Variants in BCAT2 observed in about 807,000 individuals in gnomAD.
BCAT2 encodes branched chain amino acid transaminase 2.
Under a neutral mutation model 52.9 loss-of-function variants are expected in BCAT2, and 44 were observed. The ratio of observed to expected loss-of-function variants is 0.83; its 90% CI spans 0.65 to 1.07. BCAT2 has a LOEUF of 1.07. Ranked by LOEUF, BCAT2 falls within the 50% of genes least tolerant of loss-of-function variation. BCAT2 has a pLI of 0.00. For missense variants in BCAT2, 478 were observed against 521.8 expected, an observed-to-expected ratio of 0.92 and a Z score of 0.82; for synonymous variants, 215 against 217.1, an observed-to-expected ratio of 0.99 and a Z score of 0.08.
chr19:48,795,163 A>G lies in BCAT2; in HGVS notation c.*263T>C. 1 of 550,392 alleles carries G rather than the reference A, an allele frequency of 1.8e-6. No individual in the cohort carries two copies. Among genetic ancestry groups the G allele is most frequent in the Non-Finnish European group, 3.3e-6 (1 of 306,896 alleles). The allele number at this position is 550,392 out of a possible 1,614,324, so 34.1% of individuals were successfully genotyped here. On this transcript the variant is annotated 3_prime_UTR_variant, in exon 11 of 11. Coordinates refer to ENST00000316273, the MANE Select transcript of BCAT2 (RefSeq NM_001190.4). ...TGGCCTGAGAACGGAGAGATCCGGA[A>G]TCGGGGCCAAGGTGTATCCTTGACC... is the stretch of plus-strand genomic sequence containing the variant.
At chr19:48,804,387 T>C (rs1305748317) in intron 3 of BCAT2, among the ~76,000 whole-genome samples, 2 of 150,294 alleles carry the variant, frequency 1.3e-5, no homozygotes, top group Non-Finnish European at 3.0e-5. Flanking sequence ...TTACTAAAAA[T>C]ACAAAAATTA....
intron 1 of BCAT2, among the ~76,000 whole-genome samples, chr19:48,810,581 C>A (rs2034896874): frequency 6.6e-6 from 1 of 152,064 alleles, no homozygotes; most frequent in Non-Finnish European, 1.5e-5. Flanking sequence ...AGGTCCAACT[C>A]TGCCTTCACC....
intron 3 of BCAT2, among the ~76,000 whole-genome samples, chr19:48,803,211 A>C (rs1033400974): frequency 2.0e-5 from 3 of 150,498 alleles, no homozygotes; most frequent in Admixed American, 6.6e-5. Context: ...AAAACAAAAC[A>C]AAACCCAGGT....
In BCAT2 at chr19:48,795,349, T is replaced by G. The variant is rs1236704936; in HGVS notation, c.*77A>C. The G allele has an allele frequency of 6.3e-7, 1 of 1,585,372 alleles. No homozygotes were observed. The highest frequency in any genetic ancestry group is 2.2e-5 in the East Asian group (1 of 44,496). On this transcript the variant is annotated 3_prime_UTR_variant, in exon 11 of 11. Transcript: ENST00000316273. ...CTTTTATTTCGTATTGCACTTCAGG[T>G]GAGTCATTGGTAGGGAGGCGAGTGC...
chr19:48,808,703 C>T (rs886610919), intron 1 of BCAT2, among the ~76,000 whole-genome samples: 6 of 151,796 alleles, frequency 4.0e-5, no homozygotes, highest in Admixed American at 3.9e-4. Context: ...TGCAGTGAGC[C>T]GAGATGGTGC....
intron 3 of BCAT2, among the ~76,000 whole-genome samples, chr19:48,803,149 C>T (rs1291793436): frequency 6.6e-6 from 1 of 151,734 alleles, no homozygotes; most frequent in East Asian, 1.9e-4. Context: ...GAGCTGAGAC[C>T]ATGCCACTGC....
In BCAT2 at chr19:48,799,491, C is replaced by G; in HGVS notation, c.695+184G>C. On this transcript the variant is annotated intron_variant, in intron 6 of 10. Coordinates refer to ENST00000316273, the MANE Select transcript of BCAT2 (RefSeq NM_001190.4). This position sits in a 1 kb window ranked among gnomAD's most constrained non-coding sequence, Gnocchi z 5.5. ...TTTTGTCCATCTGAAAAATAATCCC[C>G]TCCTCCTTCCTTCCATGGTTTGTTT... is the stretch of plus-strand genomic sequence containing the variant. 1 of 750,144 alleles carries G rather than the reference C, an allele frequency of 1.3e-6. No homozygotes were observed. Among genetic ancestry groups the G allele is most frequent in the Non-Finnish European group, 2.0e-6 (1 of 508,534 alleles). The allele number at this position is 750,144 out of a possible 1,614,324, so 46.5% of individuals were successfully genotyped here. A position where few individuals can be genotyped will look rare whatever the true frequency, so the allele number is the denominator to read the frequency against.
In BCAT2 at chr19:48,800,026, G is replaced by A. The variant is rs149715085; in HGVS notation, c.486C>T (p.Ala162=). 2.5e-4 allele frequency: 402 copies of A among 1,613,626 alleles called. 3 individuals are homozygous for A. The African/African-American group carries it at 3.3e-3, about 13-fold the overall frequency. ...IEVDKDWVPD[A]AGTSLYVRPV... ...GCCGCACATAGAGGCTGGTGCCGGC[G>A]GCATCGGGGACCCAGTCCTTGTCCA... Residue 162 remains alanine, a synonymous_variant, in exon 5 of 11, where the codon GCC becomes GCT. Coordinates refer to ENST00000316273, the MANE Select transcript of BCAT2 (RefSeq NM_001190.4).
chr19:48,806,994 T>C lies in BCAT2; in HGVS notation c.99+6A>G, dbSNP rs77119210. On this transcript the variant is annotated splice_donor_region_variant and intron_variant, in intron 2 of 10. Coordinates refer to ENST00000316273, the MANE Select transcript of BCAT2 (RefSeq NM_001190.4). ...CAGAGCCAAGCATCGAGTTCCCTCC[T>C]TTCACCTTGAAACTGGAGGAGGCAT... The C allele has an allele frequency of 3.9e-3, 6,294 of 1,613,090 alleles. 16 individuals carry two copies. The highest frequency in any genetic ancestry group is 4.9e-3 in the Non-Finnish European group (5,786 of 1,179,342).
rs1449840371 is a variant in BCAT2 at position 48,795,226 on chromosome 19, C to T, written c.*200G>A. 6.2e-6 allele frequency: 4 copies of T among 650,342 alleles called. No homozygotes were observed. In the African/African-American group the frequency reaches 7.2e-5, roughly 12 times the overall value. The allele number at this position is 650,342 out of a possible 1,614,324, so 40.3% of individuals were successfully genotyped here. A position where few individuals can be genotyped will look rare whatever the true frequency, so the allele number is the denominator to read the frequency against. On this transcript the variant is annotated 3_prime_UTR_variant, in exon 11 of 11. Transcript: ENST00000316273. The stretch of plus-strand genomic sequence containing the variant: ...GTAATGGGCGGACCTGAACCCGCGA[C>T]GAGGGGCTGGGGGCCAAGATGCCTG...
intron 3 of BCAT2, 101 bp downstream of exon 3, chr19:48,806,416 A>G: frequency 1.4e-6 from 2 of 1,443,382 alleles, no homozygotes; most frequent in Non-Finnish European, 1.9e-6. Flanking sequence ...GAAAGGAGAA[A>G]CACACAACAA....
chr19:48,796,695 G>A lies in BCAT2; in HGVS notation c.948C>T (p.Arg316=). Reference sequence around the variant, plus strand: ...GCAGCAACTGCTTCATGGTGATCGTGCGCTCCACCACCCGGAACTCACCCT... The same window carrying A: ...GCAGCAACTGCTTCATGGTGATCGTACGCTCCACCACCCGGAACTCACCCT... The part of the protein sequence containing the change: ...QTWGEFRVVE[R]TITMKQLLRA... Residue 316 remains arginine, a synonymous_variant, in exon 9 of 11, where the codon CGC becomes CGT. Transcript: ENST00000316273. 1.2e-6 allele frequency: 2 copies of A among 1,612,828 alleles called. No individual in the cohort carries two copies. Among genetic ancestry groups the A allele is most frequent in the South Asian group, 2.2e-5 (2 of 91,010 alleles).
At chr19:48,802,398 C>T (rs1468522404) in intron 3 of BCAT2, among the ~76,000 whole-genome samples, 1 of 149,708 alleles carries the variant, frequency 6.7e-6, no homozygotes, top group Non-Finnish European at 1.5e-5. Flanking sequence ...GATACATTTG[C>T]ACTTAAACAA....
rs1568511000 is a variant in BCAT2 at position 48,806,691 on chromosome 19, T to C, written c.126A>G (p.Thr42=). Residue 42 remains threonine (T), a synonymous_variant, in exon 3 of 11, where the codon ACA becomes ACG. Transcript: ENST00000316273. The part of the protein sequence containing the change: ...FKAADLQLEM[T]QKPHKKPGPG... ...GGCCAGGCTTCTTATGAGGCTTCTGTGTCATTTCCAGCTGCAGGTCTGCAG... is the reference window on the plus strand; with the variant it reads ...GGCCAGGCTTCTTATGAGGCTTCTGCGTCATTTCCAGCTGCAGGTCTGCAG... 1.2e-6 allele frequency: 2 copies of C among 1,613,694 alleles called. No individual in the cohort carries two copies. The highest frequency in any genetic ancestry group is 1.7e-6 in the Non-Finnish European group (2 of 1,180,030).
At position 48,807,067 on chromosome 19, in the gene BCAT2, G is replaced by GC. The variant is rs1221732986; in HGVS notation, c.31dup (p.Ala11GlyfsTer37). The GC allele has an allele frequency of 6.2e-7, 1 of 1,613,612 alleles. No individual in the cohort carries two copies. The highest frequency in any genetic ancestry group is 8.5e-7 in the Non-Finnish European group (1 of 1,179,772). On this transcript the variant is annotated frameshift_variant, in exon 2 of 11. Coordinates refer to ENST00000316273, the MANE Select transcript of BCAT2 (RefSeq NM_001190.4). LOFTEE classifies it high-confidence loss of function. This position sits in a 1 kb window ranked among gnomAD's most constrained non-coding sequence, Gnocchi z 4.6. ...CCAAGGGACAGAGAGAAGCTTTCGT[G>GC]CCCAGATCTGGGTGGAGAAAGAAGT...
chr19:48,795,600 G>A (rs2034490447), intron 10 of BCAT2, 136 bp from the exon 11 acceptor site: 7 of 976,006 alleles, frequency 7.2e-6, no homozygotes, highest in Non-Finnish European at 1.1e-5. Context: ...TTCCCAGAGG[G>A]CCCCAACAAT....
chr19:48,797,512 A>T lies in BCAT2; in HGVS notation c.696-179T>A, dbSNP rs916995131. 1.6e-5 allele frequency: 11 copies of T among 670,768 alleles called. No homozygotes were observed. In the South Asian group the frequency reaches 2.1e-4, roughly 13 times the overall value. The allele number at this position is 670,768 out of a possible 1,614,324, so 41.6% of individuals were successfully genotyped here. On this transcript the variant is annotated intron_variant, in intron 6 of 10. Transcript: ENST00000316273. ...TTTGGCATCAGGACCCTAAATGGTTATGTCCCCTCTCTCCTGTCTCTTCCC... is the reference window on the plus strand; with the variant it reads ...TTTGGCATCAGGACCCTAAATGGTTTTGTCCCCTCTCTCCTGTCTCTTCCC...
intron 6 of BCAT2, chr19:48,797,563 T>C (rs1000433484): frequency 2.3e-5 from 13 of 555,242 alleles, no homozygotes; most frequent in Non-Finnish European, 3.5e-5. Flanking sequence ...CTTTTCTTTT[T>C]TTTTTAAGAC....
Position 48,809,297 on chromosome 19 carries a change from G to A in BCAT2, c.24+1687C>T, listed in dbSNP as rs1367998852. 3.3e-5 allele frequency among the ~76,000 whole-genome samples: 5 copies of A among 152,046 alleles called. No individual in the cohort carries two copies. In the East Asian group the frequency reaches 9.7e-4, roughly 29 times the overall value. On this transcript the variant is annotated intron_variant, in intron 1 of 10. Transcript: ENST00000316273. ...AAGACGAGACAAAGAAATAAAGTAC[G>A]TTTGGGGGTTCACAGGGCAGGTCTC...
Sources: gnomAD v4.1 joint callset for allele counts (sites outside exome capture counted in the v4.1 genomes callset) on GRCh38, gnomAD v4.1.1 for gene constraint, Gnocchi (gnomAD v3.1) non-coding constraint, MANE v1.5 for transcripts, NCBI Gene and HGNC (gene_info 2026-07-23, HGNC 2026-07-21) for gene names.